Variants in SKIL observed in about 807,000 individuals in gnomAD.
The protein encoded by SKIL is SKI like proto-oncogene.
In SKIL, 20 loss-of-function variants were observed where a neutral mutation model predicts 69.6. The ratio of observed to expected loss-of-function variants is 0.29; its 90% CI spans 0.20 to 0.42. The LOEUF (loss-of-function observed/expected upper bound fraction) is 0.42. Among genes scored for constraint, SKIL ranks in the 10% least tolerant of loss-of-function variants. The pLI, the probability that SKIL is intolerant of heterozygous loss-of-function variation, is 1.00. For missense variants in SKIL, 745 were observed against 783.1 expected (o/e 0.95, Z 0.58); for synonymous variants, 310 against 279.9 (o/e 1.11, Z -1.08).
At chr3:170,382,060 C>T (rs1243590030) in intron 3 of SKIL, among the ~76,000 whole-genome samples, 5 of 150,882 alleles carry the variant, frequency 3.3e-5, no homozygotes, top group East Asian at 2.0e-4. Flanking sequence ...CCAGCCTAGG[C>T]GACAGAGCAA....
At chr3:170,367,066 G>A (rs1736565918) in intron 2 of SKIL, among the ~76,000 whole-genome samples, 1 of 152,096 alleles carries the variant, frequency 6.6e-6, no homozygotes, top group Admixed American at 6.6e-5. Context: ...AAACATATTG[G>A]AAGTGGTCAT....
Position 170,360,976 on chromosome 3 carries a change from C to T in SKIL, c.645C>T (p.Ala215=), listed in dbSNP as rs1736198108. 1.2e-6 allele frequency: 2 copies of T among 1,614,126 alleles called. No homozygotes were observed. Among genetic ancestry groups the T allele is most frequent in the Non-Finnish European group, 1.7e-6 (2 of 1,180,018 alleles). Residue 215 remains alanine, a synonymous_variant, in exon 2 of 7, where the codon GCC becomes GCT. Coordinates refer to ENST00000259119, the MANE Select transcript of SKIL (RefSeq NM_005414.5). ...LKVLGILPFN[A]PSCGLITLTD... Reference sequence around the variant, plus strand: ...TACTGGGCATACTTCCATTCAATGCCCCATCCTGTGGGCTGATTACATTAA... The same window carrying T: ...TACTGGGCATACTTCCATTCAATGCTCCATCCTGTGGGCTGATTACATTAA...
At position 170,360,499 on chromosome 3, in the gene SKIL, C is replaced by T; in HGVS notation, c.168C>T (p.Asp56=). Residue 56 remains aspartate (D), a synonymous_variant, in exon 2 of 7, where the codon GAC becomes GAT. Coordinates refer to ENST00000259119, the MANE Select transcript of SKIL (RefSeq NM_005414.5). ...CAGTTAAGAAGGAACACTTGGATGA[C>T]TATGGAGAAGCACCAGTGGAAACTG... ...VPTVKKEHLD[D]YGEAPVETDG... is the part of the protein sequence containing the mutation. The T allele has an allele frequency of 6.2e-7, 1 of 1,614,108 alleles. No individual in the cohort carries two copies. Among genetic ancestry groups the T allele is most frequent in the South Asian group, 1.1e-5 (1 of 91,080 alleles).
rs149159872 is a variant in SKIL, at chr3:170,362,709, G to C, written c.1098+1280G>C. 3.1e-4 allele frequency among the ~76,000 whole-genome samples: 47 copies of C among 150,868 alleles called. 1 individual carries two copies. In the East Asian group the frequency reaches 8.7e-3, roughly 28 times the overall value. The stretch of plus-strand genomic sequence containing the variant: ...GTGTGTTTGTAGTCCCAGCTACTTG[G>C]GAGGCTGAGCCAGGAGAATCGCTTG... On this transcript the variant is annotated intron_variant, in intron 2 of 6. Transcript: ENST00000259119.
At chr3:170,376,357 C>G (rs942978606) in intron 2 of SKIL, among the ~76,000 whole-genome samples, 17 of 152,066 alleles carry the variant, frequency 1.1e-4, no homozygotes, top group Admixed American at 1.0e-3. Flanking sequence ...TCAAACTGAT[C>G]TTAAATTTTA....
intron 2 of SKIL, among the ~76,000 whole-genome samples, chr3:170,375,403 T>C (rs1736984675): frequency 6.6e-6 from 1 of 152,250 alleles, no homozygotes; most frequent in African/African-American, 2.4e-5. Flanking sequence ...CTTACTCTTA[T>C]AAATCAAACT....
At chr3:170,378,625 C>G (rs1027836971) in intron 2 of SKIL, among the ~76,000 whole-genome samples, 1 of 146,364 alleles carries the variant, frequency 6.8e-6, no homozygotes, top group Non-Finnish European at 1.5e-5. Context: ...GAACTCAGCT[C>G]ACTGCAACCT....
At position 170,392,654 on chromosome 3, in the gene SKIL, A is replaced by G. The variant is rs1306433108; in HGVS notation, c.*237A>G. On this transcript the variant is annotated 3_prime_UTR_variant, in exon 7 of 7. Coordinates refer to ENST00000259119, the MANE Select transcript of SKIL (RefSeq NM_005414.5). ...TTAAAAAAATCAGCTTAGTAACAAT[A>G]CTATATGGTTTCAACTAGTAGGTAA... 3.3e-5 allele frequency: 9 copies of G among 271,258 alleles called. No individual in the cohort carries two copies. The highest frequency in any genetic ancestry group is 6.2e-5 in the Non-Finnish European group (9 of 145,776). The allele number at this position is 271,258 out of a possible 1,614,324, so 16.8% of individuals were successfully genotyped here. A position where few individuals can be genotyped will look rare whatever the true frequency, so the allele number is the denominator to read the frequency against.
intron 4 of SKIL, among the ~76,000 whole-genome samples, chr3:170,389,040 T>C (rs1737783438): frequency 6.6e-6 from 1 of 151,574 alleles, no homozygotes; most frequent in African/African-American, 2.4e-5. Flanking sequence ...TGGCTAATTT[T>C]TTTTGTATTT....
chr3:170,386,381 C>T (rs564770294), intron 4 of SKIL, among the ~76,000 whole-genome samples: 17 of 152,248 alleles, frequency 1.1e-4, no homozygotes, highest in African/African-American at 3.4e-4. Context: ...CCGCCTGCCT[C>T]GGCCTCCCAA....
At chr3:170,379,085 C>T (rs930668738) in intron 2 of SKIL, among the ~76,000 whole-genome samples, 1 of 151,400 alleles carries the variant, frequency 6.6e-6, no homozygotes, top group Non-Finnish European at 1.5e-5. Flanking sequence ...CTGTGTTGGC[C>T]AGGCTGGTCT....
chr3:170,391,362 G>A, intron 6 of SKIL, 102 bp downstream of exon 6: 1 of 683,014 alleles, frequency 1.5e-6, no homozygotes. Context: ...CTGTCGCCCA[G>A]GCTGGAGTGC....
At chr3:170,362,880 C>G (rs1736317447) in intron 2 of SKIL, among the ~76,000 whole-genome samples, 1 of 148,096 alleles carries the variant, frequency 6.8e-6, no homozygotes, top group South Asian at 2.2e-4. Context: ...GCTGCATTAT[C>G]TAGTAGGCTA....
intron 3 of SKIL, among the ~76,000 whole-genome samples, chr3:170,383,933 G>A (rs1577438308): frequency 6.6e-6 from 1 of 150,562 alleles, no homozygotes; most frequent in African/African-American, 2.4e-5. Flanking sequence ...TTACACAGCT[G>A]TATAAAGTCC....
rs762018586 is a variant in SKIL at position 170,360,379 on chromosome 3, A to G, written c.48A>G (p.Lys16=). Residue 16 remains lysine, a synonymous_variant, in exon 2 of 7, where the codon AAA becomes AAG. Coordinates refer to ENST00000259119, the MANE Select transcript of SKIL (RefSeq NM_005414.5). ...TCTCCTTGGTTCAGGGCTCAACTAA[A>G]AAACTGAATGGGATGGGAGATGATG... is the stretch of plus-strand genomic sequence containing the variant. The part of the protein sequence containing the change: ...TNFSLVQGST[K]KLNGMGDDGS... 2 of 1,599,728 alleles carry G rather than the reference A, an allele frequency of 1.3e-6. No individual in the cohort carries two copies. Among genetic ancestry groups the G allele is most frequent in the Non-Finnish European group, 1.7e-6 (2 of 1,173,542 alleles).
In SKIL at chr3:170,371,379, C is replaced by T. The variant is rs141633294; in HGVS notation, c.1099-9865C>T. ...AAAAATAGCTGGGCATGGTGGCACA[C>T]GCCTGTAATTAGAGCTACTTGGGAG... is the stretch of plus-strand genomic sequence containing the variant. On this transcript the variant is annotated intron_variant, in intron 2 of 6. Transcript: ENST00000259119. Among the ~76,000 whole-genome samples the T allele has an allele frequency of 6.6e-3, 1,003 of 152,138 alleles. 36 individuals carry two copies. The highest frequency in any genetic ancestry group is 0.058 in the Admixed American group (888 of 15,268).
intron 2 of SKIL, among the ~76,000 whole-genome samples, chr3:170,373,724 A>C (rs1736892986): frequency 6.6e-6 from 1 of 150,476 alleles, no homozygotes; most frequent in Non-Finnish European, 1.5e-5. Context: ...TGTCTCTACA[A>C]AAAAAATTAA....
chr3:170,372,313 T>G (rs1736834537), intron 2 of SKIL, among the ~76,000 whole-genome samples: 1 of 152,220 alleles, frequency 6.6e-6, no homozygotes, highest in Non-Finnish European at 1.5e-5. Flanking sequence ...TTTAAGTATC[T>G]CAAACCTAAA....
At chr3:170,368,269 A>G (rs1317664725) in intron 2 of SKIL, among the ~76,000 whole-genome samples, 1 of 152,226 alleles carries the variant, frequency 6.6e-6, no homozygotes, top group Non-Finnish European at 1.5e-5. Context: ...TTGTGCTCAT[A>G]TGAGGGACCA....
Sources: gnomAD v4.1 joint callset for allele counts (sites outside exome capture counted in the v4.1 genomes callset) on GRCh38, gnomAD v4.1.1 for gene constraint, MANE v1.5 for transcripts, NCBI Gene and HGNC (gene_info 2026-07-23, HGNC 2026-07-21) for gene names.